TPTE2: variants seen among roughly 807,000 people sequenced by gnomAD.
The protein encoded by TPTE2 is transmembrane phosphoinositide 3-phosphatase and tensin homolog 2.
Under a neutral mutation model 78.6 loss-of-function variants are expected in TPTE2, and 53 were observed. The ratio of observed to expected loss-of-function variants is 0.67; its 90% CI spans 0.54 to 0.85. TPTE2 has a LOEUF of 0.85. TPTE2 is among the 40% of genes least tolerant of loss of function. The pLI is 0.00. For synonymous variants in TPTE2, 175 were observed against 206.2 expected, an observed-to-expected ratio of 0.85 and a Z score of 1.30; for missense variants, 461 against 623.0, an observed-to-expected ratio of 0.74 and a Z score of 2.77.
rs1403018096 is a variant in TPTE2 at position 19,426,333 on chromosome 13, C to G, written c.1395+92G>C. 36 of 908,712 alleles carry G rather than the reference C, an allele frequency of 4.0e-5. No homozygotes were observed. The East Asian group carries it at 8.8e-4, about 22-fold the overall frequency. The allele number at this position is 908,712 out of a possible 1,614,324, so 56.3% of individuals were successfully genotyped here. ...ATTTATTGTTTTCCTCCCCCTCCCC[C>G]TCCCTTGTTGGGAATTGTAGTAAAG... On this transcript the variant is annotated intron_variant, in intron 18 of 19. Transcript: ENST00000400230.
chr13:19,554,919 C>T, the TPTE2 span, among the ~76,000 whole-genome samples: 1 of 152,194 alleles, frequency 6.6e-6, no homozygotes, highest in Non-Finnish European at 1.5e-5. Context: ...ATTTACAGAG[C>T]AATCACACCA....
At chr13:19,524,848 A>G (rs1218617486) in intron 1 of TPTE2, among the ~76,000 whole-genome samples, 1 of 152,196 alleles carries the variant, frequency 6.6e-6, no homozygotes, top group Non-Finnish European at 1.5e-5. Flanking sequence ...ACATGGAAGC[A>G]CTGAATAGCA....
chr13:19,435,463 C>T (rs967959235), intron 15 of TPTE2, among the ~76,000 whole-genome samples: 9 of 151,906 alleles, frequency 5.9e-5, no homozygotes, highest in Non-Finnish European at 7.4e-5. Flanking sequence ...TGGGAAAGAA[C>T]GGATGAAACG....
At chr13:19,470,470 A>C (rs1879535885) in intron 6 of TPTE2, among the ~76,000 whole-genome samples, 1 of 152,084 alleles carries the variant, frequency 6.6e-6, no homozygotes, top group Non-Finnish European at 1.5e-5. Flanking sequence ...TTTATCAGAT[A>C]TATTAGCATG....
the TPTE2 span, among the ~76,000 whole-genome samples, chr13:19,546,624 G>A: frequency 2.6e-5 from 4 of 151,076 alleles, no homozygotes; most frequent in South Asian, 2.1e-4. Flanking sequence ...CAGCTAGCTG[G>A]GATTACAGGC....
At chr13:19,488,286 G>A (rs1880778583) in intron 3 of TPTE2, among the ~76,000 whole-genome samples, 1 of 152,180 alleles carries the variant, frequency 6.6e-6, no homozygotes, top group African/African-American at 2.4e-5. Flanking sequence ...GTCAATGATT[G>A]CTGGCTTCAA....
chr13:19,547,720 C>CATACATATATATATATATATAT, the TPTE2 span, among the ~76,000 whole-genome samples: 944 of 118,772 alleles, frequency 7.9e-3, 15 homozygotes, highest in East Asian at 0.01. Context: ...AATAAATATA[C>CATACATATATATATATATATAT]ATATATATAT....
At chr13:19,444,126 G>A (rs1350778903) in intron 13 of TPTE2, among the ~76,000 whole-genome samples, 2 of 151,298 alleles carry the variant, frequency 1.3e-5, no homozygotes, top group Admixed American at 6.6e-5. Context: ...GCAACATAGC[G>A]AAACCCCATC....
At chr13:19,506,283 T>G (rs937279756), upstream of TPTE2, among the ~76,000 whole-genome samples, 1 of 139,038 alleles carries the variant, frequency 7.2e-6, no homozygotes, top group Non-Finnish European at 1.5e-5. Flanking sequence ...GCCATTCTCC[T>G]GCCTCAGCCT....
intron 17 of TPTE2, among the ~76,000 whole-genome samples, chr13:19,427,079 C>CTTTTTTTTTTTTTTTTTTTTTTTT (rs55904352): frequency 1.9e-4 from 13 of 67,294 alleles, no homozygotes; most frequent in African/African-American, 4.5e-4. Flanking sequence ...CTTTTCTTTT[C>CTTTTTTTTTTTTTTTTTTTTTTTT]TTTTTTTTTT....
chr13:19,438,821 G>C (rs1593353644), intron 13 of TPTE2, among the ~76,000 whole-genome samples: 1 of 152,190 alleles, frequency 6.6e-6, no homozygotes, highest in South Asian at 2.1e-4. Context: ...CCAGATCCTG[G>C]GGAGGACAAT....
intron 10 of TPTE2, among the ~76,000 whole-genome samples, chr13:19,462,390 T>G (rs1878980903): frequency 6.6e-6 from 1 of 152,150 alleles, no homozygotes; most frequent in Non-Finnish European, 1.5e-5. Flanking sequence ...GTTGACAGTT[T>G]TTTTTTTCCT....
At chr13:19,462,855 C>T (rs1653661307) in intron 10 of TPTE2, among the ~76,000 whole-genome samples, 1 of 151,042 alleles carries the variant, frequency 6.6e-6, no homozygotes, top group African/African-American at 2.4e-5. Context: ...AATATTCCCT[C>T]TTTTTGACTT....
intron 1 of TPTE2, among the ~76,000 whole-genome samples, chr13:19,494,595 G>C (rs747317385): frequency 5.3e-5 from 8 of 152,122 alleles, no homozygotes; most frequent in Non-Finnish European, 1.0e-4. Flanking sequence ...TTTTAGTAGA[G>C]ACAGGGTTTC....
chr13:19,495,441 G>A (rs1881245678), intron 1 of TPTE2, among the ~76,000 whole-genome samples: 1 of 152,170 alleles, frequency 6.6e-6, no homozygotes, highest in Non-Finnish European at 1.5e-5. Flanking sequence ...TCACTGAATG[G>A]TAATGTGACA....
At chr13:19,543,393 CTT>C in the TPTE2 span, among the ~76,000 whole-genome samples, 91,143 of 147,098 alleles carry the variant, frequency 0.62, 31,932 homozygotes, top group East Asian at 0.88. Flanking sequence ...GAGTTTCACT[CTT>C]GTCTTCTAGG....
At chr13:19,484,119 A>C (rs1043900510) in intron 3 of TPTE2, among the ~76,000 whole-genome samples, 1 of 152,132 alleles carries the variant, frequency 6.6e-6, no homozygotes, top group African/African-American at 2.4e-5. Context: ...ATACTTCTCA[A>C]TAACTGCTTT....
chr13:19,465,199 C>T, intron 9 of TPTE2, 56 bp downstream of exon 12: 1 of 1,607,640 alleles, frequency 6.2e-7, no homozygotes, highest in Non-Finnish European at 8.5e-7. Context: ...CAAAAAAATA[C>T]AATTACAAGA....
chr13:19,500,645 G>C (rs1593402569), intron 1 of TPTE2, among the ~76,000 whole-genome samples: 3 of 152,226 alleles, frequency 2.0e-5, no homozygotes, highest in African/African-American at 7.2e-5. Context: ...TTGATGGGAT[G>C]TATTTCAAAA....
Sources: gnomAD v4.1 joint callset for allele counts (sites outside exome capture counted in the v4.1 genomes callset) on GRCh38, gnomAD v4.1.1 for gene constraint, MANE v1.5 for transcripts, NCBI Gene and HGNC (gene_info 2026-07-23, HGNC 2026-07-21) for gene names.